Variants in RASEF observed in about 807,000 individuals in gnomAD.
RASEF encodes RAS and EF-hand domain containing.
A neutral mutation model predicts 90.1 loss-of-function variants in RASEF; 68 were observed. The observed-to-expected ratio is 0.75, with a 90% CI of 0.62 to 0.92. RASEF has a LOEUF of 0.92. Ranked by LOEUF, RASEF falls within the 40% of genes least tolerant of loss-of-function variation. The probability of loss-of-function intolerance (pLI) is 0.00; values close to 1 mark genes in which losing one functional copy is unlikely to be tolerated. For synonymous variants in RASEF, 331 were observed against 345.2 expected (o/e 0.96, Z 0.46); for missense variants, 949 against 937.2 (o/e 1.01, Z -0.16).
At chr9:83,069,450 T>G in the RASEF span, among the ~76,000 whole-genome samples, 1 of 152,222 alleles carries the variant, frequency 6.6e-6, no homozygotes, top group Non-Finnish European at 1.5e-5. Flanking sequence ...CTTCCATGCC[T>G]GGCTTTCTTT....
intron 1 of RASEF, among the ~76,000 whole-genome samples, chr9:83,033,942 C>T (rs114936905): frequency 2.0e-5 from 3 of 152,234 alleles, no homozygotes; most frequent in African/African-American, 7.2e-5. Flanking sequence ...TCAGTAAGTG[C>T]AAAGGTTTAT....
the RASEF span, among the ~76,000 whole-genome samples, chr9:83,119,207 C>T: frequency 7.0e-5 from 10 of 142,452 alleles, no homozygotes; most frequent in East Asian, 1.2e-3. Context: ...TTGGTAGAGA[C>T]GGGGTTTCAG....
chr9:83,197,268 G>T, the RASEF span, among the ~76,000 whole-genome samples: 1 of 152,144 alleles, frequency 6.6e-6, no homozygotes, highest in Admixed American at 6.5e-5. Context: ...AGCTTTTAGA[G>T]TTGAGCCAGA....
chr9:83,148,984 C>A, the RASEF span, among the ~76,000 whole-genome samples: 1 of 152,200 alleles, frequency 6.6e-6, no homozygotes, highest in African/African-American at 2.4e-5. Context: ...GCTGGCCCCA[C>A]GGCAGCAATG....
intron 5 of RASEF, among the ~76,000 whole-genome samples, chr9:83,010,976 T>A (rs886077502): frequency 2.0e-5 from 3 of 152,010 alleles, no homozygotes; most frequent in Admixed American, 6.6e-5. Context: ...AATAATTAAA[T>A]TAATAAATCA....
the RASEF span, among the ~76,000 whole-genome samples, chr9:83,122,560 G>C: frequency 2.0e-5 from 3 of 152,160 alleles, no homozygotes; most frequent in Non-Finnish European, 4.4e-5. Context: ...GATTGCGTGA[G>C]AGAGCGGGAG....
the RASEF span, among the ~76,000 whole-genome samples, chr9:83,129,015 C>T: frequency 3.3e-5 from 5 of 152,080 alleles, no homozygotes; most frequent in Non-Finnish European, 5.9e-5. Flanking sequence ...TAATTTTATC[C>T]CCATATAGGT....
At chr9:83,034,200 T>A (rs1177988693) in intron 1 of RASEF, among the ~76,000 whole-genome samples, 1 of 152,222 alleles carries the variant, frequency 6.6e-6, no homozygotes, top group Non-Finnish European at 1.5e-5. Flanking sequence ...TCAGTCTGCA[T>A]ACAGAATGGC....
At chr9:83,173,023 T>C in the RASEF span, among the ~76,000 whole-genome samples, 1 of 152,024 alleles carries the variant, frequency 6.6e-6, no homozygotes, top group African/African-American at 2.4e-5. Context: ...TATAGTATAC[T>C]TGGTTGAATG....
rs370094131 is a variant in RASEF, at chr9:82,992,970, C to T, written c.1976G>A (p.Arg659His). 32 of 1,613,772 alleles carry T rather than the reference C, an allele frequency of 2.0e-5. No homozygotes were observed. Among genetic ancestry groups the T allele is most frequent in the South Asian group, 4.4e-5 (4 of 91,076 alleles). Residue 659 changes from arginine to histidine, a missense_variant, in exon 15 of 17, where the codon CGT (arginine) becomes CAT (histidine). Coordinates refer to ENST00000376447, the MANE Select transcript of RASEF (RefSeq NM_152573.4). ...IMLVGNKADI[R>H]DTAATEGQKC... ...TTGTCCCTCTGTAGCAGCAGTGTCA[C>T]GAATGTCAGCCTTGTTTCCTACCAG...
At chr9:83,188,517 A>G in the RASEF span, among the ~76,000 whole-genome samples, 2 of 152,250 alleles carry the variant, frequency 1.3e-5, no homozygotes, top group Non-Finnish European at 2.9e-5. Flanking sequence ...ATCAGGCAGT[A>G]GTAGCCACTG....
chr9:83,128,110 G>T, the RASEF span, among the ~76,000 whole-genome samples: 1 of 145,068 alleles, frequency 6.9e-6, no homozygotes, highest in Non-Finnish European at 1.5e-5. Flanking sequence ...AGGACATACT[G>T]CTTGAATTAT....
chr9:83,164,628 G>A, the RASEF span, among the ~76,000 whole-genome samples: 2 of 149,060 alleles, frequency 1.3e-5, no homozygotes, highest in South Asian at 2.1e-4. Flanking sequence ...AAAAAAAGAA[G>A]GCAAAACAGG....
the RASEF span, among the ~76,000 whole-genome samples, chr9:83,117,138 G>A: frequency 6.7e-6 from 1 of 148,680 alleles, no homozygotes; most frequent in Non-Finnish European, 1.5e-5. Flanking sequence ...GCCATCATTT[G>A]CTTTGTTTTT....
intron 1 of RASEF, among the ~76,000 whole-genome samples, chr9:83,045,378 T>C (rs574384092): frequency 9.8e-5 from 15 of 152,342 alleles, no homozygotes; most frequent in African/African-American, 3.4e-4. Flanking sequence ...GATAAGAACC[T>C]TAATTTTAAA....
chr9:83,063,154 C>A (rs1830248961), upstream of RASEF: 4 of 402,116 alleles, frequency 9.9e-6, no homozygotes, highest in South Asian at 1.9e-4. Context: ...AGCGCCCAAG[C>A]GCCGAGGTGG....
Position 83,062,978 on chromosome 9 carries a change from G to T in RASEF, c.-111C>A, listed in dbSNP as rs1009219054. 1.0e-5 allele frequency: 12 copies of T among 1,198,928 alleles called. No individual in the cohort carries two copies. The African/African-American group carries it at 1.6e-4, about 16-fold the overall frequency. The allele number at this position is 1,198,928 out of a possible 1,614,324, so 74.3% of individuals were successfully genotyped here. On this transcript the variant is annotated 5_prime_UTR_variant, in exon 1 of 17. Coordinates refer to ENST00000376447, the MANE Select transcript of RASEF (RefSeq NM_152573.4). ...CCGGGAGGCCCGGCGAGTTTGGCTC[G>T]TCCGGCTGGTTCGGCCACTTGAGGG...
the RASEF span, among the ~76,000 whole-genome samples, chr9:83,137,859 G>T: frequency 6.6e-6 from 1 of 151,572 alleles, no homozygotes; most frequent in Non-Finnish European, 1.5e-5. Flanking sequence ...AAGGAAGGGA[G>T]AGATGGATGT....
the RASEF span, among the ~76,000 whole-genome samples, chr9:83,149,116 T>C: frequency 6.6e-6 from 1 of 152,158 alleles, no homozygotes; most frequent in Non-Finnish European, 1.5e-5. Context: ...CACAAGGACC[T>C]TAAAGAGCTC....
Sources: allele counts gnomAD v4.1 joint callset (sites outside exome capture counted in the v4.1 genomes callset), GRCh38; gene constraint gnomAD v4.1.1; transcripts MANE v1.5; gene names NCBI Gene and HGNC (gene_info 2026-07-23, HGNC 2026-07-21).